FGFR2: variants seen among roughly 807,000 people sequenced by gnomAD.
FGFR2 encodes the protein BEK fibroblast growth factor receptor.
A neutral mutation model predicts 95.9 loss-of-function variants in FGFR2; 19 were observed. That is an observed-to-expected ratio of 0.20 (90% CI 0.14 to 0.29). FGFR2 has a LOEUF of 0.29. Among genes scored for constraint, FGFR2 ranks in the 10% least tolerant of loss-of-function variants. The probability of loss-of-function intolerance (pLI) is 1.00; values close to 1 mark genes in which losing one functional copy is unlikely to be tolerated. For synonymous variants in FGFR2, 392 were observed against 393.3 expected (o/e 1.00, Z 0.04); for missense variants, 707 against 1,056.9 (o/e 0.67, Z 4.59).
At chr10:121,592,306 T>C (rs1213929995) in intron 2 of FGFR2, among the ~76,000 whole-genome samples, 1 of 152,174 alleles carries the variant, frequency 6.6e-6, no homozygotes, top group African/African-American at 2.4e-5. Context: ...CCACTGCAAA[T>C]TACACTCATC....
intron 2 of FGFR2, among the ~76,000 whole-genome samples, chr10:121,569,090 C>T (rs932370572): frequency 6.6e-6 from 1 of 152,138 alleles, no homozygotes; most frequent in East Asian, 1.9e-4. Context: ...TACAACATGT[C>T]GGGCTAATGA....
intron 2 of FGFR2, among the ~76,000 whole-genome samples, chr10:121,592,921 A>G (rs1862885004): frequency 6.6e-6 from 1 of 152,212 alleles, no homozygotes; most frequent in Non-Finnish European, 1.5e-5. Context: ...TCAGTGCAGC[A>G]CCAAGTAGAG....
intron 17 of FGFR2, chr10:121,482,201 T>G (rs1395264921): frequency 6.2e-7 from 1 of 1,610,532 alleles, no homozygotes; most frequent in Non-Finnish European, 8.5e-7. Context: ...AACAGGGATA[T>G]CAGTAGATTC....
intron 2 of FGFR2, among the ~76,000 whole-genome samples, chr10:121,571,812 G>A (rs190534161): frequency 0.013 from 1,921 of 151,814 alleles, 35 homozygotes; most frequent in African/African-American, 0.043. Flanking sequence ...GCATGGTGGC[G>A]CATGCCTATA....
intron 15 of FGFR2, among the ~76,000 whole-genome samples, chr10:121,486,005 C>T (rs1006412065): frequency 6.6e-6 from 1 of 152,172 alleles, no homozygotes; most frequent in African/African-American, 2.4e-5. Context: ...TTACTAAGAT[C>T]GCAAAGGCAA....
At chr10:121,587,407 T>A (rs1246280921) in intron 2 of FGFR2, among the ~76,000 whole-genome samples, 2 of 152,068 alleles carry the variant, frequency 1.3e-5, no homozygotes, top group South Asian at 2.1e-4. Context: ...AATTGACAAA[T>A]GGGATCTAAT....
chr10:121,569,458 G>T (rs1308433917), intron 2 of FGFR2, among the ~76,000 whole-genome samples: 1 of 152,150 alleles, frequency 6.6e-6, no homozygotes, highest in Non-Finnish European at 1.5e-5. Context: ...CTGACCTCGT[G>T]ATCTGCCCGC....
chr10:121,566,925 C>T (rs922031566), intron 2 of FGFR2, among the ~76,000 whole-genome samples: 3 of 152,084 alleles, frequency 2.0e-5, no homozygotes, highest in Non-Finnish European at 2.9e-5. Context: ...TGAGAGGACA[C>T]CACTGGCATT....
rs531329786 is a variant in FGFR2, at chr10:121,576,636, C to A, written c.110-10932G>T. On this transcript the variant is annotated intron_variant, in intron 2 of 17. Transcript: ENST00000358487. ...GTGATCTCCAGTCCTGAAACTGAACCCTCTGGTCTCAAAACACTTCCATTC... is the reference window on the plus strand; with the variant it reads ...GTGATCTCCAGTCCTGAAACTGAACACTCTGGTCTCAAAACACTTCCATTC... Among the ~76,000 whole-genome samples the A allele has an allele frequency of 3.3e-5, 5 of 152,254 alleles. No individual in the cohort carries two copies. In the South Asian group the frequency reaches 1.0e-3, roughly 32 times the overall value.
intron 13 of FGFR2, among the ~76,000 whole-genome samples, chr10:121,491,110 G>A (rs1055265164): frequency 1.3e-5 from 2 of 152,144 alleles, no homozygotes; most frequent in Non-Finnish European, 2.9e-5. Context: ...TGCTTCCCAC[G>A]CACTGGGCTC....
chr10:121,498,466 G>T, intron 12 of FGFR2, 29 bp downstream of exon 12: 1 of 1,359,420 alleles, frequency 7.4e-7, no homozygotes. Context: ...CAGAGTATTT[G>T]GGCGAATGCA....
rs2135090527 is a variant in FGFR2, at chr10:121,564,567, G to C, written c.389C>G (p.Ser130Cys). 6.2e-7 allele frequency: 1 copy of C among 1,613,862 alleles called. No homozygotes were observed. Among genetic ancestry groups the C allele is most frequent in the Non-Finnish European group, 8.5e-7 (1 of 1,179,940 alleles). The change falls in exon 4 of 18, where the codon TCC becomes TGC. Residue 130 changes from serine to cysteine, a missense_variant. Coordinates refer to ENST00000358487, the MANE Select transcript of FGFR2 (RefSeq NM_000141.5). ...FMVNVTDAIS[S>C]GDDEDDTDGA... ...ATCGGTGTCATCCTCATCATCTCCG[G>C]ATGAGATGGCATCTGTATGCAAAAG...
At chr10:121,595,155 A>G (rs1235045517) in intron 1 of FGFR2, among the ~76,000 whole-genome samples, 1 of 152,224 alleles carries the variant, frequency 6.6e-6, no homozygotes, top group African/African-American at 2.4e-5. Flanking sequence ...TGGGGGTGGC[A>G]GGGAGGCCTT....
chr10:121,483,313 G>T (rs1460620619), intron 17 of FGFR2, among the ~76,000 whole-genome samples: 2 of 152,128 alleles, frequency 1.3e-5, no homozygotes, highest in Non-Finnish European at 2.9e-5. Flanking sequence ...AACATTATCA[G>T]TTTACCCACT....
In FGFR2 at chr10:121,531,815, C is replaced by G. The variant is rs546215179; in HGVS notation, c.748+6777G>C. On this transcript the variant is annotated intron_variant, in intron 6 of 17. Coordinates refer to ENST00000358487, the MANE Select transcript of FGFR2 (RefSeq NM_000141.5). The surrounding 1 kb of genome is among the most constrained non-coding windows in gnomAD (Gnocchi z 4.5). ...AGGGCATCTGGCACAGAGTAGAGAC[C>G]CTTAGGGGTTGTCTGTGACAGCGAT... Among the ~76,000 whole-genome samples, 1 of 152,174 alleles carries G rather than the reference C, an allele frequency of 6.6e-6. No individual in the cohort carries two copies. Among genetic ancestry groups the G allele is most frequent in the South Asian group, 2.1e-4 (1 of 4,810 alleles).
intron 2 of FGFR2, chr10:121,583,477 G>T: frequency 6.6e-6 from 1 of 152,348 alleles, no homozygotes. Flanking sequence ...GTGTGGCGCA[G>T]CCTGGACCAC....
In FGFR2 at chr10:121,521,672, G is replaced by A. The variant is rs1246346610; in HGVS notation, c.749-1503C>T. Among the ~76,000 whole-genome samples the A allele has an allele frequency of 7.9e-5, 12 of 151,794 alleles. No homozygotes were observed. The South Asian group carries it at 1.0e-3, about 13-fold the overall frequency. ...AGAAAAAAAAAAAAAGACAAGTGTC[G>A]GCAAGGATGTGGAGACACTGGAACC... On this transcript the variant is annotated intron_variant, in intron 6 of 17. Coordinates refer to ENST00000358487, the MANE Select transcript of FGFR2 (RefSeq NM_000141.5).
chr10:121,501,146 G>A (rs964572864), intron 10 of FGFR2, among the ~76,000 whole-genome samples, 199 bp from the exon 11 acceptor site: 1 of 152,166 alleles, frequency 6.6e-6, no homozygotes, highest in African/African-American at 2.4e-5. Context: ...ATTACTGGTG[G>A]AACGGCTATT....
chr10:121,527,115 G>C (rs1053463080), intron 6 of FGFR2, among the ~76,000 whole-genome samples: 1 of 152,234 alleles, frequency 6.6e-6, no homozygotes, highest in African/African-American at 2.4e-5. Flanking sequence ...TAAAGTGCTG[G>C]CTGGGCTCAG....
Sources: allele counts gnomAD v4.1 joint callset (sites outside exome capture counted in the v4.1 genomes callset), GRCh38; gene constraint gnomAD v4.1.1; non-coding constraint Gnocchi (gnomAD v3.1); transcripts MANE v1.5; gene names NCBI Gene and HGNC (gene_info 2026-07-23, HGNC 2026-07-21).